Variants in ATP8B2 observed in about 807,000 individuals in gnomAD.
ATP8B2 encodes ATPase phospholipid transporting 8B2, also known as phospholipid-transporting ATPase ID.
ATP8B2 carries 70 observed loss-of-function variants against 133.4 expected under a neutral mutation model. The observed-to-expected ratio is 0.52, with a 90% CI of 0.43 to 0.64. The LOEUF is 0.64. ATP8B2 is among the 30% of genes least tolerant of loss of function. ATP8B2 has a pLI of 0.00. For synonymous variants in ATP8B2, 517 were observed against 589.5 expected, an observed-to-expected ratio of 0.88 and a Z score of 1.78; for missense variants, 1,101 against 1,535.7, an observed-to-expected ratio of 0.72 and a Z score of 4.73.
In ATP8B2 at chr1:154,330,421, T is replaced by C; in HGVS notation, c.57T>C (p.Asn19=). ...AAGAAGAAAGGAGGGCGCGGGCTAA[T>C]GACCGAGAATACAATGAGAAATTCC... is the stretch of plus-strand genomic sequence containing the variant. ...PPEEERRARA[N]DREYNEKFQY... is the part of the protein sequence containing the mutation. Residue 19 remains asparagine, a synonymous_variant, in exon 3 of 28, where the codon AAT becomes AAC. Coordinates refer to ENST00000368489, the MANE Select transcript of ATP8B2 (RefSeq NM_001370597.1). The C allele has an allele frequency of 3.7e-6, 6 of 1,612,954 alleles. No homozygotes were observed. Among genetic ancestry groups the C allele is most frequent in the Middle Eastern group, 1.7e-4 (1 of 6,056 alleles).
At chr1:154,325,924 C>T (rs1303109237) in intron 1 of ATP8B2, among the ~76,000 whole-genome samples, 1 of 152,004 alleles carries the variant, frequency 6.6e-6, no homozygotes, top group African/African-American at 2.4e-5. Flanking sequence ...GAGCGGGGGT[C>T]TGCGTACAGG....
At position 154,328,047 on chromosome 1, in the gene ATP8B2, A is replaced by T; in HGVS notation, c.-37-58A>T. 1 of 1,571,854 alleles carries T rather than the reference A, an allele frequency of 6.4e-7. No homozygotes were observed. The highest frequency in any genetic ancestry group is 8.8e-7 in the Non-Finnish European group (1 of 1,141,770). ...GAGGGTCTTCAAAAGAGGTCTCATG[A>T]GGGGAGGGAAGGGTTATCCTCAGCT... is the stretch of plus-strand genomic sequence containing the variant. On this transcript the variant is annotated intron_variant, in intron 1 of 27. Coordinates refer to ENST00000368489, the MANE Select transcript of ATP8B2 (RefSeq NM_001370597.1). This position sits in a 1 kb window ranked among gnomAD's most constrained non-coding sequence, Gnocchi z 4.6.
At chr1:154,347,635 G>A (rs1686627731) in intron 26 of ATP8B2, among the ~76,000 whole-genome samples, 2 of 152,060 alleles carry the variant, frequency 1.3e-5, no homozygotes, top group Non-Finnish European at 2.9e-5. Flanking sequence ...AGATTCCAGA[G>A]ATGTTTTGAA....
intron 9 of ATP8B2, 47 bp downstream of exon 9, chr1:154,332,744 G>T (rs774283149): frequency 7.0e-7 from 1 of 1,420,566 alleles, no homozygotes; most frequent in African/African-American, 1.4e-5. Context: ...AGTGGGGTTG[G>T]GTTTTGTTTG....
At chr1:154,342,652 C>A in intron 14 of ATP8B2, 129 bp downstream of exon 14, 1 of 1,434,726 alleles carries the variant, frequency 7.0e-7, no homozygotes, top group Non-Finnish European at 9.8e-7. Flanking sequence ...TGTTTTAAGG[C>A]AGAACTGGTG....
In ATP8B2 at chr1:154,334,467, T is replaced by C. The variant is rs773447851; in HGVS notation, c.749-36T>C. 5 of 1,604,722 alleles carry C rather than the reference T, an allele frequency of 3.1e-6. No homozygotes were observed. The South Asian group carries it at 5.5e-5, about 18-fold the overall frequency. ...GGCAGAAGCCCAGAGGCAGATGTGT[T>C]ATTTGGCTTTCCCAGCCCTTCCCAT... is the stretch of plus-strand genomic sequence containing the variant. On this transcript the variant is annotated intron_variant, in intron 10 of 27. Coordinates refer to ENST00000368489, the MANE Select transcript of ATP8B2 (RefSeq NM_001370597.1). This position sits in a 1 kb window ranked among gnomAD's most constrained non-coding sequence, Gnocchi z 4.6.
In ATP8B2 at chr1:154,340,609, C is replaced by G. The variant is rs1438230836; in HGVS notation, c.1035-245C>G. 1 of 557,528 alleles carries G rather than the reference C, an allele frequency of 1.8e-6. No individual in the cohort carries two copies. Among genetic ancestry groups the G allele is most frequent in the Non-Finnish European group, 3.3e-6 (1 of 302,608 alleles). 34.5% of individuals were successfully genotyped at this position (557,528 alleles called of 1,614,324 possible). ...TCCTTTGCTGTCTGTCCTGCCCACC[C>G]AGGCCCTTTGCACCTTCTTGTCTGG... On this transcript the variant is annotated intron_variant, in intron 12 of 27. Coordinates refer to ENST00000368489, the MANE Select transcript of ATP8B2 (RefSeq NM_001370597.1). The surrounding 1 kb of genome is among the most constrained non-coding windows in gnomAD (Gnocchi z 4.0).
Position 154,330,795 on chromosome 1 carries a change from C to T in ATP8B2, c.91-20C>T. ...GTTGGGACTGGAGACTGCTCATTAT[C>T]TTCTCTCCTACTGCCATAGAGTAAC... On this transcript the variant is annotated intron_variant, in intron 3 of 27. Transcript: ENST00000368489. 6.3e-7 allele frequency: 1 copy of T among 1,597,934 alleles called. No individual in the cohort carries two copies. The highest frequency in any genetic ancestry group is 8.6e-7 in the Non-Finnish European group (1 of 1,165,384).
At chr1:154,341,214 G>A (rs1456436223) in intron 13 of ATP8B2, 152 bp downstream of exon 13, 2 of 791,696 alleles carry the variant, frequency 2.5e-6, no homozygotes, top group Non-Finnish European at 4.3e-6. Flanking sequence ...GCCAGGCACG[G>A]TGGCTCATGC....
In ATP8B2 at chr1:154,340,644, G is replaced by A; in HGVS notation, c.1035-210G>A. On this transcript the variant is annotated intron_variant, in intron 12 of 27. Coordinates refer to ENST00000368489, the MANE Select transcript of ATP8B2 (RefSeq NM_001370597.1). The surrounding 1 kb of genome is among the most constrained non-coding windows in gnomAD (Gnocchi z 4.0). ...GCACCTTCTTGTCTGGAGAGCATCA[G>A]GAGGGTCGGGTCGGGGCGTTCCTCT... 1.7e-6 allele frequency: 1 copy of A among 596,690 alleles called. No individual in the cohort carries two copies. 37.0% of individuals were successfully genotyped at this position (596,690 alleles called of 1,614,324 possible).
At position 154,331,047 on chromosome 1, in the gene ATP8B2, G is replaced by A. The variant is rs1481130953; in HGVS notation, c.205-1G>A. On this transcript the variant is annotated splice_acceptor_variant, in intron 4 of 27. Coordinates refer to ENST00000368489, the MANE Select transcript of ATP8B2 (RefSeq NM_001370597.1). LOFTEE classifies it high-confidence loss of function. This position sits in a 1 kb window ranked among gnomAD's most constrained non-coding sequence, Gnocchi z 4.8. ...GGCATACTTCTCTTTCTTTTTTTCA[G>A]TTGATCCCCCAGATCTCTTCCCTGT... 1.2e-6 allele frequency: 2 copies of A among 1,613,234 alleles called. No individual in the cohort carries two copies. The highest frequency in any genetic ancestry group is 2.7e-5 in the African/African-American group (2 of 74,878).
At chr1:154,327,695 T>A (rs1022546874) in intron 1 of ATP8B2, 1 of 1,148,042 alleles carries the variant, frequency 8.7e-7, no homozygotes, top group African/African-American at 1.5e-5. Flanking sequence ...AGGTGTTTCC[T>A]GGCTCATGTT....
Position 154,331,735 on chromosome 1 carries a change from A to G in ATP8B2, c.438+57A>G. 1.3e-6 allele frequency: 2 copies of G among 1,550,136 alleles called. No homozygotes were observed. The highest frequency in any genetic ancestry group is 1.7e-5 in the Admixed American group (1 of 59,918). On this transcript the variant is annotated intron_variant, in intron 7 of 27. Coordinates refer to ENST00000368489, the MANE Select transcript of ATP8B2 (RefSeq NM_001370597.1). The surrounding 1 kb of genome is among the most constrained non-coding windows in gnomAD (Gnocchi z 4.8). ...GGTTCTTCCTCTTCTTTGTGAGAAA[A>G]GGATGAATCTTTCCTGATTTACTGT...
At chr1:154,337,854 C>T in intron 12 of ATP8B2, 10 of 1,027,960 alleles carry the variant, frequency 9.7e-6, no homozygotes, top group Non-Finnish European at 1.3e-5. Flanking sequence ...GAATGGATCT[C>T]CTTCCTTCTA....
intron 13 of ATP8B2, chr1:154,341,386 A>G (rs903052574): frequency 2.6e-6 from 1 of 387,998 alleles, no homozygotes; most frequent in South Asian, 2.2e-5. Context: ...CCAGTGACTC[A>G]GGAGGCTGAG....
rs762314906 is a variant in ATP8B2, at chr1:154,346,508, C to T, written c.3024+32C>T. On this transcript the variant is annotated intron_variant, in intron 25 of 27. Transcript: ENST00000368489. The surrounding 1 kb of genome is among the most constrained non-coding windows in gnomAD (Gnocchi z 4.5). ...GGCCATCCAGGAACTCCCCTCTTCTCTGGAAGGAGTGAGCCTTCTGTCCCT... is the reference window on the plus strand; with the variant it reads ...GGCCATCCAGGAACTCCCCTCTTCTTTGGAAGGAGTGAGCCTTCTGTCCCT... The T allele has an allele frequency of 6.2e-7, 1 of 1,605,100 alleles. No individual in the cohort carries two copies. Among genetic ancestry groups the T allele is most frequent in the South Asian group, 1.1e-5 (1 of 89,870 alleles).
rs1685886625 is a variant in ATP8B2, at chr1:154,328,892, C to T, written c.31+720C>T. ...ACGGCTGGGGCTCCCCTCTGAGCGG[C>T]TGCGGCTCCTGCACCTCCCCGGGGA... On this transcript the variant is annotated intron_variant, in intron 2 of 27. Transcript: ENST00000368489. This position sits in a 1 kb window ranked among gnomAD's most constrained non-coding sequence, Gnocchi z 4.6. 1.6e-6 allele frequency: 2 copies of T among 1,266,410 alleles called. No homozygotes were observed. Among genetic ancestry groups the T allele is most frequent in the African/African-American group, 3.2e-5 (2 of 62,456 alleles). The allele number at this position is 1,266,410 out of a possible 1,614,324, so 78.4% of individuals were successfully genotyped here. A position where few individuals can be genotyped will look rare whatever the true frequency, so the allele number is the denominator to read the frequency against.
At chr1:154,336,570 C>T (rs1318717383) in intron 11 of ATP8B2, among the ~76,000 whole-genome samples, 1 of 150,620 alleles carries the variant, frequency 6.6e-6, no homozygotes, top group Non-Finnish European at 1.5e-5. Context: ...TCACTGCAAC[C>T]TCTGCCTCTC....
intron 12 of ATP8B2, 134 bp downstream of exon 12, chr1:154,337,678 T>A: frequency 6.3e-7 from 1 of 1,590,506 alleles, no homozygotes; most frequent in Non-Finnish European, 8.5e-7. Flanking sequence ...CATTTGATGT[T>A]ATCTGTTTAT....
Sources: gnomAD v4.1 joint callset for allele counts (sites outside exome capture counted in the v4.1 genomes callset) on GRCh38, gnomAD v4.1.1 for gene constraint, Gnocchi (gnomAD v3.1) non-coding constraint, MANE v1.5 for transcripts, NCBI Gene and HGNC (gene_info 2026-07-23, HGNC 2026-07-21) for gene names.